Variants in ROCK1 observed in about 807,000 individuals in gnomAD.
ROCK1 encodes the protein rho-associated protein kinase 1.
ROCK1 carries 36 observed loss-of-function variants against 196.8 expected under a neutral mutation model. The ratio of observed to expected loss-of-function variants is 0.18; its 90% CI spans 0.14 to 0.24. ROCK1 has a LOEUF of 0.24. ROCK1 is among the 10% of genes least tolerant of loss of function. ROCK1 has a pLI of 1.00. For synonymous variants in ROCK1, 443 were observed against 515.9 expected (o/e 0.86, Z 1.91); for missense variants, 920 against 1,562.0 (o/e 0.59, Z 6.93).
In ROCK1 at chr18:20,959,818, A is replaced by G. The variant is rs368197911; in HGVS notation, c.3512+22T>C. On this transcript the variant is annotated intron_variant, in intron 29 of 32. Coordinates refer to ENST00000399799, the MANE Select transcript of ROCK1 (RefSeq NM_005406.3). ...AAAAGTTAGCTCTCAACCCCTTTAAAATTCAATCAAAGGCAACTTACTCTA... is the reference window on the plus strand; with the variant it reads ...AAAAGTTAGCTCTCAACCCCTTTAAGATTCAATCAAAGGCAACTTACTCTA... The G allele has an allele frequency of 1.7e-4, 228 of 1,370,040 alleles. 1 individual carries two copies. Among genetic ancestry groups the G allele is most frequent in the Non-Finnish European group, 2.2e-4 (220 of 998,660 alleles). The allele number at this position is 1,370,040 out of a possible 1,614,324, so 84.9% of individuals were successfully genotyped here. A position where few individuals can be genotyped will look rare whatever the true frequency, so the allele number is the denominator to read the frequency against.
chr18:20,952,335 T>C lies in ROCK1; in HGVS notation c.4062-948A>G, dbSNP rs569134916. Among the ~76,000 whole-genome samples the C allele has an allele frequency of 4.6e-5, 7 of 152,146 alleles. No homozygotes were observed. The South Asian group carries it at 1.2e-3, about 27-fold the overall frequency. On this transcript the variant is annotated intron_variant, in intron 32 of 32. Transcript: ENST00000399799. ...AGGCAGAGGTTGCAGTGAGCTGAGATTGCGCCACTGCACTCTGGCCTGGGT... is the reference window on the plus strand; with the variant it reads ...AGGCAGAGGTTGCAGTGAGCTGAGACTGCGCCACTGCACTCTGGCCTGGGT...
At chr18:20,954,051 A>T (rs2035217175) in intron 31 of ROCK1, among the ~76,000 whole-genome samples, 1 of 150,696 alleles carries the variant, frequency 6.6e-6, no homozygotes, top group Middle Eastern at 3.2e-3. Flanking sequence ...TTATCTGAAA[A>T]TAGCTATGGT....
In ROCK1 at chr18:21,111,204, G is replaced by A; in HGVS notation, c.-294C>T. 1 of 535,604 alleles carries A rather than the reference G, an allele frequency of 1.9e-6. No individual in the cohort carries two copies. The highest frequency in any genetic ancestry group is 3.3e-6 in the Non-Finnish European group (1 of 305,764). 33.2% of individuals were successfully genotyped at this position (535,604 alleles called of 1,614,324 possible). On this transcript the variant is annotated 5_prime_UTR_variant, in exon 1 of 33. Transcript: ENST00000399799. The surrounding 1 kb of genome is among the most constrained non-coding windows in gnomAD (Gnocchi z 4.2). The stretch of plus-strand genomic sequence containing the variant: ...GCCACCAGCCTCGTCGCTCCGGCGA[G>A]GTGCTTCAGTCTAGCGGGCCCCGGC...
At chr18:21,023,546 C>A in intron 11 of ROCK1, 74 bp downstream of exon 11, 1 of 762,914 alleles carries the variant, frequency 1.3e-6, no homozygotes. Flanking sequence ...TATAAATTTA[C>A]TATCATACCC....
chr18:21,022,187 A>G (rs934488146), intron 11 of ROCK1, among the ~76,000 whole-genome samples: 1 of 152,134 alleles, frequency 6.6e-6, no homozygotes, highest in African/African-American at 2.4e-5. Context: ...TAGTAGACAA[A>G]AAGTTCAAAG....
chr18:20,958,880 T>TTATATA (rs1278915651), intron 29 of ROCK1, among the ~76,000 whole-genome samples: 16 of 111,392 alleles, frequency 1.4e-4, no homozygotes, highest in Admixed American at 2.7e-4. Context: ...ATTATATATA[T>TTATATA]AAATATATAT....
In ROCK1 at chr18:21,096,566, A is replaced by G. The variant is rs368773202; in HGVS notation, c.93+14252T>C. ...GAAAGAGTCCTAACTAATTCAGAGA[A>G]AGAAAGGGAAAGAACAAGAGAATGG... On this transcript the variant is annotated intron_variant, in intron 1 of 32. Coordinates refer to ENST00000399799, the MANE Select transcript of ROCK1 (RefSeq NM_005406.3). Among the ~76,000 whole-genome samples the G allele has an allele frequency of 5.3e-5, 8 of 152,356 alleles. No homozygotes were observed. In the East Asian group the frequency reaches 1.4e-3, roughly 26 times the overall value.
At chr18:21,064,986 G>A (rs2036321861) in intron 2 of ROCK1, among the ~76,000 whole-genome samples, 1 of 152,178 alleles carries the variant, frequency 6.6e-6, no homozygotes, top group Non-Finnish European at 1.5e-5. Context: ...ACTGGGGATA[G>A]GTGTTAGGAT....
intron 16 of ROCK1, among the ~76,000 whole-genome samples, chr18:21,000,645 G>C (rs1191871038): frequency 1.3e-5 from 2 of 152,084 alleles, no homozygotes; most frequent in East Asian, 3.9e-4. Context: ...TGGGACAACT[G>C]GATATTAGAT....
intron 1 of ROCK1, among the ~76,000 whole-genome samples, chr18:21,096,346 G>A (rs1035092054): frequency 1.1e-4 from 16 of 151,926 alleles, no homozygotes; most frequent in East Asian, 3.9e-4. Context: ...GATTACAGGC[G>A]CCTGCCACTA....
At chr18:20,959,003 T>C (rs1303415384) in intron 29 of ROCK1, among the ~76,000 whole-genome samples, 8 of 82,442 alleles carry the variant, frequency 9.7e-5, no homozygotes, top group African/African-American at 4.1e-4. Context: ...ATAATATATA[T>C]ATTTTATATA....
chr18:21,015,400 A>ATCTAATC (rs2035854172), intron 13 of ROCK1, 31 bp downstream of exon 13: 12 of 1,433,622 alleles, frequency 8.4e-6, no homozygotes, highest in Non-Finnish European at 1.2e-5. Context: ...AAAATCTCAA[A>ATCTAATC]AAGGAAACTT....
At chr18:20,951,547 G>A (rs898916431) in intron 32 of ROCK1, among the ~76,000 whole-genome samples, 160 bp from the exon 33 acceptor site, 71 of 152,142 alleles carry the variant, frequency 4.7e-4, no homozygotes, top group Non-Finnish European at 9.0e-4. Context: ...AATATACTTA[G>A]TATTCTCTCC....
At chr18:21,030,088 G>A (rs1183083629) in intron 9 of ROCK1, among the ~76,000 whole-genome samples, 1 of 152,132 alleles carries the variant, frequency 6.6e-6, no homozygotes, top group African/African-American at 2.4e-5. Context: ...ACACAAGAGG[G>A]ATATTAGGGC....
chr18:21,022,789 C>T (rs555498642), intron 11 of ROCK1, among the ~76,000 whole-genome samples: 1 of 152,060 alleles, frequency 6.6e-6, no homozygotes, highest in Non-Finnish European at 1.5e-5. Context: ...CTGATGTTCA[C>T]AGCATGTTAA....
chr18:20,976,538 T>G (rs1473211202), intron 22 of ROCK1, among the ~76,000 whole-genome samples: 1 of 152,222 alleles, frequency 6.6e-6, no homozygotes, highest in Admixed American at 6.5e-5. Flanking sequence ...GATCTTCAGT[T>G]TGTTACAATC....
intron 16 of ROCK1, among the ~76,000 whole-genome samples, chr18:21,001,449 T>C (rs961256341): frequency 3.3e-5 from 5 of 152,132 alleles, no homozygotes; most frequent in African/African-American, 9.7e-5. Flanking sequence ...AATTAAAAAA[T>C]ATAGACAGCA....
intron 1 of ROCK1, among the ~76,000 whole-genome samples, chr18:21,099,181 G>A (rs2036636162): frequency 6.6e-6 from 1 of 152,068 alleles, no homozygotes; most frequent in South Asian, 2.1e-4. Context: ...AAATGGAACA[G>A]GACTCAGCTG....
intron 1 of ROCK1, among the ~76,000 whole-genome samples, chr18:21,085,323 C>G (rs1444099234): frequency 7.7e-6 from 1 of 129,786 alleles, no homozygotes; most frequent in African/African-American, 3.2e-5. Flanking sequence ...AATTTCAGAG[C>G]AGCTTGGACA....
Sources: allele counts gnomAD v4.1 joint callset (sites outside exome capture counted in the v4.1 genomes callset), GRCh38; gene constraint gnomAD v4.1.1; non-coding constraint Gnocchi (gnomAD v3.1); transcripts MANE v1.5; gene names NCBI Gene and HGNC (gene_info 2026-07-23, HGNC 2026-07-21).